CPE: variants seen among roughly 807,000 people sequenced by gnomAD.
CPE encodes the protein carbocypeptidase E.
Under a neutral mutation model 53.5 loss-of-function variants are expected in CPE, and 17 were observed. The observed-to-expected ratio is 0.32, with a 90% CI of 0.22 to 0.48. CPE has a LOEUF of 0.48. Among genes scored for constraint, CPE ranks in the 20% least tolerant of loss-of-function variants. The pLI is 0.99. For missense variants in CPE, 524 were observed against 614.7 expected, an observed-to-expected ratio of 0.85 and a Z score of 1.56; for synonymous variants, 226 against 228.8, an observed-to-expected ratio of 0.99 and a Z score of 0.11.
At chr4:165,461,056 A>G (rs935911562) in intron 1 of CPE, among the ~76,000 whole-genome samples, 2 of 150,728 alleles carry the variant, frequency 1.3e-5, no homozygotes, top group Non-Finnish European at 2.9e-5. Flanking sequence ...AGTCCTAGCT[A>G]CTCAGAAGGC....
rs1732736206 is a variant in CPE at position 165,498,105 on chromosome 4, G to C, written c.*495G>C. 1 of 152,134 alleles carries C rather than the reference G, an allele frequency of 6.6e-6. No homozygotes were observed. The highest frequency in any genetic ancestry group is 2.1e-4 in the South Asian group (1 of 4,826). The allele number at this position is 152,134 out of a possible 1,614,324, so 9.4% of individuals were successfully genotyped here. On this transcript the variant is annotated 3_prime_UTR_variant, in exon 9 of 9. Coordinates refer to ENST00000402744, the MANE Select transcript of CPE (RefSeq NM_001873.4). ...TCTTGTGCTGACTAACTATAAGCATGATCTTGTTAATGCATTTTTGATGGG... is the reference window on the plus strand; with the variant it reads ...TCTTGTGCTGACTAACTATAAGCATCATCTTGTTAATGCATTTTTGATGGG...
chr4:165,393,138 A>G (rs1427570172), intron 1 of CPE, among the ~76,000 whole-genome samples: 2 of 152,124 alleles, frequency 1.3e-5, no homozygotes, highest in African/African-American at 4.8e-5. Context: ...TATGTAATTC[A>G]AAAACTATGT....
At chr4:165,408,210 C>T (rs562457143) in intron 1 of CPE, among the ~76,000 whole-genome samples, 41 of 152,226 alleles carry the variant, frequency 2.7e-4, no homozygotes, top group East Asian at 5.8e-4. Context: ...GTCCTCTTTG[C>T]GTCATATCTA....
At chr4:165,409,684 A>T (rs535977523) in intron 1 of CPE, among the ~76,000 whole-genome samples, 1 of 152,180 alleles carries the variant, frequency 6.6e-6, no homozygotes, top group Non-Finnish European at 1.5e-5. Flanking sequence ...TTTCCTAAGA[A>T]ACTGTGAAAT....
intron 1 of CPE, among the ~76,000 whole-genome samples, chr4:165,463,227 A>C (rs182135181): frequency 6.6e-6 from 1 of 152,274 alleles, no homozygotes; most frequent in Admixed American, 6.5e-5. Context: ...TGCCTTACAC[A>C]TTTTAGTGGG....
intron 4 of CPE, 52 bp downstream of exon 4, chr4:165,482,411 A>C: frequency 8.0e-7 from 1 of 1,252,488 alleles, no homozygotes; most frequent in South Asian, 1.3e-5. Flanking sequence ...AACACTGTAC[A>C]AGGTTTTATA....
At chr4:165,420,013 T>C (rs1442801071) in intron 1 of CPE, among the ~76,000 whole-genome samples, 1 of 152,252 alleles carries the variant, frequency 6.6e-6, no homozygotes, top group Non-Finnish European at 1.5e-5. Context: ...ATTTCTGTGA[T>C]ATATGCATAC....
chr4:165,478,264 CAA>C (rs1732338355), intron 3 of CPE, among the ~76,000 whole-genome samples: 1 of 152,116 alleles, frequency 6.6e-6, no homozygotes, highest in Non-Finnish European at 1.5e-5. Flanking sequence ...AAAGGTACTC[CAA>C]AGTCTTCTCT....
intron 3 of CPE, among the ~76,000 whole-genome samples, chr4:165,478,747 A>G (rs1732348295): frequency 6.6e-6 from 1 of 152,208 alleles, no homozygotes; most frequent in African/African-American, 2.4e-5. Flanking sequence ...GTGGATAACA[A>G]ACACAGGAAT....
intron 1 of CPE, chr4:165,404,387 G>A: frequency 1.3e-6 from 1 of 766,634 alleles, no homozygotes; most frequent in Non-Finnish European, 2.4e-6. Flanking sequence ...CTTCAGACTT[G>A]CTAAAATACC....
At chr4:165,432,988 G>T (rs956213353) in intron 1 of CPE, among the ~76,000 whole-genome samples, 1 of 152,134 alleles carries the variant, frequency 6.6e-6, no homozygotes, top group African/African-American at 2.4e-5. Context: ...TTTGTCCAAA[G>T]ACAAAATTAC....
rs745972849 is a variant in CPE, at chr4:165,467,850, A to G, written c.667A>G (p.Thr223Ala). ...TATGAAGAAAATTGTGGATCAAAACACAAAGGTAGTGACCACGGGATAGTC... is the reference window on the plus strand; with the variant it reads ...TATGAAGAAAATTGTGGATCAAAACGCAAAGGTAGTGACCACGGGATAGTC... Reference protein sequence around the residue: ...KNMKKIVDQNTKLAPETKAVI... With the variant: ...KNMKKIVDQNAKLAPETKAVI... The change falls in exon 3 of 9, where the codon ACA becomes GCA. Residue 223 changes from threonine to alanine, a missense_variant. Transcript: ENST00000402744. The G allele has an allele frequency of 6.2e-7, 1 of 1,613,442 alleles. No individual in the cohort carries two copies. The highest frequency in any genetic ancestry group is 1.1e-5 in the South Asian group (1 of 90,978).
At chr4:165,399,679 C>T (rs762344597) in intron 1 of CPE, among the ~76,000 whole-genome samples, 7 of 152,070 alleles carry the variant, frequency 4.6e-5, no homozygotes, top group South Asian at 2.1e-4. Flanking sequence ...GCCACATATC[C>T]TCTTTTAAAG....
At chr4:165,454,589 A>G (rs1226355512) in intron 1 of CPE, among the ~76,000 whole-genome samples, 1 of 152,180 alleles carries the variant, frequency 6.6e-6, no homozygotes, top group African/African-American at 2.4e-5. Flanking sequence ...ACTGTTTGAC[A>G]TTCTCCACCC....
At chr4:165,401,880 T>C (rs1330724324) in intron 1 of CPE, among the ~76,000 whole-genome samples, 1 of 152,184 alleles carries the variant, frequency 6.6e-6, no homozygotes, top group Non-Finnish European at 1.5e-5. Context: ...GTTATTTTAA[T>C]ATTAAGCCAG....
At chr4:165,409,451 G>A (rs1408468079) in intron 1 of CPE, among the ~76,000 whole-genome samples, 1 of 152,158 alleles carries the variant, frequency 6.6e-6, no homozygotes, top group Non-Finnish European at 1.5e-5. Context: ...TGATCCGCCC[G>A]CCTCAGACTC....
chr4:165,477,381 T>C (rs1732323211), intron 3 of CPE, among the ~76,000 whole-genome samples: 1 of 152,226 alleles, frequency 6.6e-6, no homozygotes, highest in East Asian at 1.9e-4. Flanking sequence ...TAGTCCCTTT[T>C]TGGAACATAA....
rs561009450 is a variant in CPE, at chr4:165,496,819, G to A, written c.1333-693G>A. Among the ~76,000 whole-genome samples the A allele has an allele frequency of 3.3e-5, 5 of 152,338 alleles. No homozygotes were observed. In the South Asian group the frequency reaches 8.3e-4, roughly 25 times the overall value. The stretch of plus-strand genomic sequence containing the variant: ...GTTTGGGATACCAGCATGCTGAACT[G>A]TATTCTTCCACATTCCCTCCCACAT... On this transcript the variant is annotated intron_variant, in intron 8 of 8. Transcript: ENST00000402744.
intron 1 of CPE, among the ~76,000 whole-genome samples, chr4:165,409,141 A>G (rs1039944427): frequency 6.6e-6 from 1 of 152,172 alleles, no homozygotes; most frequent in African/African-American, 2.4e-5. Flanking sequence ...GACGTGGGAA[A>G]TGCAGAGAGA....
Sources: gnomAD v4.1 joint callset for allele counts (sites outside exome capture counted in the v4.1 genomes callset) on GRCh38, gnomAD v4.1.1 for gene constraint, MANE v1.5 for transcripts, NCBI Gene and HGNC (gene_info 2026-07-23, HGNC 2026-07-21) for gene names.